Variants in SLC44A5 observed in about 807,000 individuals in gnomAD.
SLC44A5 encodes the protein choline transporter-like protein 5.
Under a neutral mutation model 101.8 loss-of-function variants are expected in SLC44A5, and 57 were observed. The ratio of observed to expected loss-of-function variants is 0.56; its 90% CI spans 0.45 to 0.70. The LOEUF (loss-of-function observed/expected upper bound fraction) is 0.70. Ranked by LOEUF, SLC44A5 falls within the 30% of genes least tolerant of loss-of-function variation. SLC44A5 has a pLI of 0.00. For missense variants in SLC44A5, 737 were observed against 853.1 expected (o/e 0.86, Z 1.70); for synonymous variants, 281 against 290.9 (o/e 0.97, Z 0.35).
chr1:75,671,723 C>T, the SLC44A5 span, among the ~76,000 whole-genome samples: 22 of 152,110 alleles, frequency 1.4e-4, no homozygotes, highest in African/African-American at 5.1e-4. Context: ...AAGAGAGTCA[C>T]TTAGAAAGGG....
the SLC44A5 span, among the ~76,000 whole-genome samples, chr1:75,699,991 C>T: frequency 3.7e-3 from 564 of 152,114 alleles, no homozygotes; most frequent in Middle Eastern, 0.014. Flanking sequence ...TACAGGAGCA[C>T]CCAGATTCAT....
chr1:75,371,798 CT>C (rs1228767144), intron 3 of SLC44A5, among the ~76,000 whole-genome samples: 5 of 152,170 alleles, frequency 3.3e-5, no homozygotes, highest in Non-Finnish European at 5.9e-5. Flanking sequence ...CTTCTAAAGG[CT>C]GTTTTTCACA....
intron 2 of SLC44A5, among the ~76,000 whole-genome samples, chr1:75,489,240 T>A (rs994728402): frequency 3.9e-5 from 6 of 152,004 alleles, no homozygotes; most frequent in Admixed American, 1.3e-4. Flanking sequence ...GTAATTATTT[T>A]AAAAAAAACA....
chr1:75,577,965 C>T (rs1341554176), intron 1 of SLC44A5, among the ~76,000 whole-genome samples: 2 of 152,104 alleles, frequency 1.3e-5, no homozygotes, highest in Non-Finnish European at 2.9e-5. Flanking sequence ...ATTACATTAG[C>T]TTCAAAACAG....
At chr1:75,276,750 C>A (rs1048516108) in intron 5 of SLC44A5, among the ~76,000 whole-genome samples, 2 of 152,088 alleles carry the variant, frequency 1.3e-5, no homozygotes, top group Non-Finnish European at 2.9e-5. Flanking sequence ...GGTGGTTTAT[C>A]TGGGAGGTGA....
At chr1:75,599,438 C>T (rs1028448268) in intron 1 of SLC44A5, among the ~76,000 whole-genome samples, 5 of 152,080 alleles carry the variant, frequency 3.3e-5, no homozygotes, top group Middle Eastern at 3.2e-3. Flanking sequence ...GACTGATTTG[C>T]GGTCAGGTTT....
chr1:75,218,839 T>A, intron 16 of SLC44A5, 87 bp from the exon 17 acceptor site: 1 of 1,293,674 alleles, frequency 7.7e-7, no homozygotes, highest in East Asian at 2.4e-5. Flanking sequence ...TCCCCTTAAT[T>A]GCATATCCTG....
chr1:75,635,809 A>AAACAAG, the SLC44A5 span, among the ~76,000 whole-genome samples: 1 of 151,134 alleles, frequency 6.6e-6, no homozygotes, highest in African/African-American at 2.4e-5. Context: ...AAGTATAATA[A>AAACAAG]TAATAAAAAA....
chr1:75,534,277 A>C (rs945126141), intron 2 of SLC44A5, among the ~76,000 whole-genome samples: 3 of 152,184 alleles, frequency 2.0e-5, no homozygotes, highest in African/African-American at 7.2e-5. Flanking sequence ...ACTTATGTAA[A>C]AAAGAAAAAA....
the SLC44A5 span, among the ~76,000 whole-genome samples, chr1:75,718,107 A>G: frequency 6.6e-6 from 1 of 152,238 alleles, no homozygotes; most frequent in African/African-American, 2.4e-5. Context: ...TAAACTTTAT[A>G]TAAAGTTGTG....
At chr1:75,499,061 A>G (rs1668812369) in intron 2 of SLC44A5, among the ~76,000 whole-genome samples, 1 of 152,200 alleles carries the variant, frequency 6.6e-6, no homozygotes, top group South Asian at 2.1e-4. Context: ...AGTATTCAAA[A>G]CAGTAGCATG....
chr1:75,220,484 T>TC (rs1159819244), intron 14 of SLC44A5, among the ~76,000 whole-genome samples: 1 of 152,156 alleles, frequency 6.6e-6, no homozygotes, highest in Non-Finnish European at 1.5e-5. Flanking sequence ...AATTCCTTAT[T>TC]CTTTTTTCTT....
the SLC44A5 span, among the ~76,000 whole-genome samples, chr1:75,714,891 C>T: frequency 6.6e-6 from 1 of 152,136 alleles, no homozygotes; most frequent in African/African-American, 2.4e-5. Flanking sequence ...CCAGGCTGGT[C>T]TCAAACTCCT....
At chr1:75,498,564 T>C (rs894875261) in intron 2 of SLC44A5, among the ~76,000 whole-genome samples, 6 of 152,218 alleles carry the variant, frequency 3.9e-5, no homozygotes, top group Admixed American at 2.6e-4. Flanking sequence ...ATCTGCATGC[T>C]AATCCAGTTT....
intron 2 of SLC44A5, among the ~76,000 whole-genome samples, chr1:75,481,953 G>A (rs986981307): frequency 2.0e-5 from 3 of 152,150 alleles, no homozygotes; most frequent in East Asian, 1.9e-4. Flanking sequence ...TCATGCTGCT[G>A]TAAAGACACA....
chr1:75,302,561 C>T (rs933509638), intron 4 of SLC44A5, among the ~76,000 whole-genome samples: 13 of 152,262 alleles, frequency 8.5e-5, no homozygotes, highest in East Asian at 1.9e-4. Context: ...GCCTGAACTG[C>T]GGATGGCCCC....
At chr1:75,678,420 C>A in the SLC44A5 span, among the ~76,000 whole-genome samples, 1 of 152,140 alleles carries the variant, frequency 6.6e-6, no homozygotes, top group African/African-American at 2.4e-5. Context: ...GATCTGAGAA[C>A]GGGCAGATTG....
intron 3 of SLC44A5, among the ~76,000 whole-genome samples, chr1:75,394,217 C>T (rs1661978690): frequency 6.6e-6 from 1 of 151,904 alleles, no homozygotes; most frequent in Non-Finnish European, 1.5e-5. Context: ...GCTGAGCATG[C>T]TAAATGCTGC....
intron 15 of SLC44A5, 51 bp downstream of exon 15, chr1:75,219,749 C>T (rs768862380): frequency 1.3e-5 from 15 of 1,145,202 alleles, no homozygotes; most frequent in South Asian, 5.2e-5. Flanking sequence ...TCCTGGTTCA[C>T]GAGTAGTCAT....
Sources: allele counts gnomAD v4.1 joint callset (sites outside exome capture counted in the v4.1 genomes callset), GRCh38; gene constraint gnomAD v4.1.1; transcripts MANE v1.5; gene names NCBI Gene and HGNC (gene_info 2026-07-23, HGNC 2026-07-21).